DNAH6: variants seen among roughly 807,000 people sequenced by gnomAD.
The protein encoded by DNAH6 is axonemal beta dynein heavy chain 6.
A neutral mutation model predicts 491.4 loss-of-function variants in DNAH6; 340 were observed. That is an observed-to-expected ratio of 0.69 (90% CI 0.63 to 0.76). DNAH6 has a LOEUF of 0.76. DNAH6 is among the 30% of genes least tolerant of loss of function. The probability of loss-of-function intolerance (pLI) is 0.00; values close to 1 mark genes in which losing one functional copy is unlikely to be tolerated. For missense variants in DNAH6, 4,443 were observed against 4,972.2 expected, an observed-to-expected ratio of 0.89 and a Z score of 3.20; for synonymous variants, 1,603 against 1,686.1, an observed-to-expected ratio of 0.95 and a Z score of 1.21.
the DNAH6 span, among the ~76,000 whole-genome samples, chr2:84,466,806 C>T: frequency 4.6e-5 from 7 of 152,168 alleles, no homozygotes; most frequent in African/African-American, 1.4e-4. Flanking sequence ...GATGACAAAA[C>T]GTCTTAGGAT....
chr2:84,710,557 A>G lies in DNAH6; in HGVS notation c.9378+145A>G, dbSNP rs781621562. On this transcript the variant is annotated intron_variant, in intron 56 of 76. Coordinates refer to ENST00000389394, the MANE Select transcript of DNAH6 (RefSeq NM_001370.2). Reference sequence around the variant, plus strand: ...TCAAACCAGTTCCTCTTCTCCTTAAACAATACATTATCACATTGCAAGAGG... The same window carrying G: ...TCAAACCAGTTCCTCTTCTCCTTAAGCAATACATTATCACATTGCAAGAGG... 1.0e-4 allele frequency: 80 copies of G among 763,856 alleles called. No homozygotes were observed. The Middle Eastern group carries it at 1.1e-3, about 11-fold the overall frequency. 47.3% of individuals were successfully genotyped at this position (763,856 alleles called of 1,614,324 possible).
Position 84,813,978 on chromosome 2 carries a change from T to A in DNAH6, c.12006T>A (p.Leu4002=), listed in dbSNP as rs1402946422. 1 of 1,551,710 alleles carries A rather than the reference T, an allele frequency of 6.4e-7. No homozygotes were observed. Among genetic ancestry groups the A allele is most frequent in the Non-Finnish European group, 8.7e-7 (1 of 1,146,966 alleles). ...CGATTTTCACAATTACAGGAACTCT[T>A]CAAAATCATGCTCGAAAATACAATT... ...FFPQGFLTGT[L]QNHARKYNLP... is the part of the protein sequence containing the mutation. Residue 4002 remains leucine, a synonymous_variant, in exon 75 of 77, where the codon CTT becomes CTA. Coordinates refer to ENST00000389394, the MANE Select transcript of DNAH6 (RefSeq NM_001370.2).
At chr2:84,754,364 T>G (rs1295788873) in intron 63 of DNAH6, among the ~76,000 whole-genome samples, 1 of 151,594 alleles carries the variant, frequency 6.6e-6, no homozygotes, top group Non-Finnish European at 1.5e-5. Context: ...GTATTTTTAG[T>G]AGAGACAGAT....
intron 68 of DNAH6, among the ~76,000 whole-genome samples, chr2:84,787,881 C>T (rs1193811106): frequency 6.6e-6 from 1 of 151,834 alleles, no homozygotes; most frequent in Non-Finnish European, 1.5e-5. Flanking sequence ...AAAATTAGAA[C>T]CAATTTGGAC....
chr2:84,589,838 A>G lies in DNAH6; in HGVS notation c.2610+884A>G, dbSNP rs117476969. On this transcript the variant is annotated intron_variant, in intron 16 of 76. Transcript: ENST00000389394. ...GCTTTTAGAGAGACCAACAACAAGAAAAGAGAATAGAAAAGAAAATATTCC... is the reference window on the plus strand; with the variant it reads ...GCTTTTAGAGAGACCAACAACAAGAGAAGAGAATAGAAAAGAAAATATTCC... 1.0e-3 allele frequency among the ~76,000 whole-genome samples: 156 copies of G among 152,226 alleles called. 2 individuals carry two copies. In the East Asian group the frequency reaches 0.028, roughly 27 times the overall value.
At chr2:84,657,528 T>A (rs1227847187) in intron 35 of DNAH6, among the ~76,000 whole-genome samples, 1 of 152,078 alleles carries the variant, frequency 6.6e-6, no homozygotes, top group Admixed American at 6.6e-5. Context: ...GCTTGTCTTA[T>A]ATAGATCTAG....
At chr2:84,691,497 A>G (rs1486936785) in intron 45 of DNAH6, among the ~76,000 whole-genome samples, 1 of 152,246 alleles carries the variant, frequency 6.6e-6, no homozygotes, top group Non-Finnish European at 1.5e-5. Flanking sequence ...GACACATAGC[A>G]ATGACAATGG....
At chr2:84,497,052 C>A in the DNAH6 span, among the ~76,000 whole-genome samples, 2 of 151,500 alleles carry the variant, frequency 1.3e-5, no homozygotes, top group African/African-American at 4.9e-5. Context: ...CTCTCTGCAA[C>A]CTCCACCTGC....
At chr2:84,714,615 GT>G (rs1286253539) in intron 57 of DNAH6, among the ~76,000 whole-genome samples, 89 of 152,076 alleles carry the variant, frequency 5.9e-4, no homozygotes, top group Non-Finnish European at 1.6e-4. Context: ...TAATCAGAAT[GT>G]TTTTTACTCA....
At chr2:84,780,318 C>G (rs116083823) in intron 64 of DNAH6, among the ~76,000 whole-genome samples, 4,097 of 152,182 alleles carry the variant, frequency 0.027, 79 homozygotes, top group South Asian at 0.06. Flanking sequence ...TTTCTCATAG[C>G]CTTTGTCCAT....
intron 43 of DNAH6, among the ~76,000 whole-genome samples, 174 bp from the exon 44 acceptor site, chr2:84,686,310 A>G (rs1419697608): frequency 1.3e-5 from 2 of 152,200 alleles, no homozygotes; most frequent in Non-Finnish European, 2.9e-5. Flanking sequence ...TAAACTTGGG[A>G]GATTATCAGC....
At chr2:84,540,873 T>A (rs1349891663) in intron 4 of DNAH6, among the ~76,000 whole-genome samples, 4 of 152,184 alleles carry the variant, frequency 2.6e-5, no homozygotes, top group Non-Finnish European at 5.9e-5. Context: ...ACAGCATAGT[T>A]AAATATAATT....
intron 46 of DNAH6, 85 bp from the exon 47 acceptor site, chr2:84,697,490 C>A (rs1695501313): frequency 1.5e-6 from 2 of 1,312,856 alleles, no homozygotes; most frequent in African/African-American, 1.5e-5. Flanking sequence ...GAAATTGATT[C>A]ATGTGAATTT....
At chr2:84,672,511 TG>T in intron 40 of DNAH6, 27 bp downstream of exon 40, 2 of 1,533,296 alleles carry the variant, frequency 1.3e-6, no homozygotes, top group South Asian at 2.4e-5. Context: ...AATTACTTGG[TG>T]TGCTTAAATT....
At chr2:84,647,743 A>G (rs1322737090) in intron 33 of DNAH6, among the ~76,000 whole-genome samples, 1 of 152,280 alleles carries the variant, frequency 6.6e-6, no homozygotes, top group South Asian at 2.1e-4. Flanking sequence ...TTTGCCATGA[A>G]TTATCTTTTA....
intron 10 of DNAH6, among the ~76,000 whole-genome samples, chr2:84,555,987 T>C (rs1679982637): frequency 6.6e-6 from 1 of 152,186 alleles, no homozygotes; most frequent in Non-Finnish European, 1.5e-5. Context: ...TAGTCCATTT[T>C]CCACATTACT....
chr2:84,637,245 G>A lies in DNAH6; in HGVS notation c.4689G>A (p.Lys1563=). Residue 1563 remains lysine (K), a synonymous_variant, in exon 31 of 77, where the codon AAG becomes AAA. Coordinates refer to ENST00000389394, the MANE Select transcript of DNAH6 (RefSeq NM_001370.2). ...SRFMFEGREI[K]LVMTCAAFIT... is the part of the protein sequence containing the mutation. The stretch of plus-strand genomic sequence containing the variant: ...TCATGTTTGAGGGGCGGGAAATAAA[G>A]TTGGTGATGACTTGTGCAGCCTTCA... The A allele has an allele frequency of 6.5e-7, 1 of 1,549,994 alleles. No individual in the cohort carries two copies. The highest frequency in any genetic ancestry group is 8.7e-7 in the Non-Finnish European group (1 of 1,146,062).
At chr2:84,685,521 A>G in intron 43 of DNAH6, 49 bp downstream of exon 43, 1 of 1,257,698 alleles carries the variant, frequency 8.0e-7, no homozygotes, top group Non-Finnish European at 1.0e-6. Flanking sequence ...GTAGAAAAGC[A>G]ATTTGGTTTC....
intron 36 of DNAH6, 117 bp downstream of exon 36, chr2:84,658,591 C>T (rs1409597126): frequency 2.8e-6 from 2 of 708,284 alleles, no homozygotes; most frequent in African/African-American, 3.7e-5. Context: ...GTTAATTTTT[C>T]AGGGGACTAA....
Sources: gnomAD v4.1 joint callset for allele counts (sites outside exome capture counted in the v4.1 genomes callset) on GRCh38, gnomAD v4.1.1 for gene constraint, MANE v1.5 for transcripts, NCBI Gene and HGNC (gene_info 2026-07-23, HGNC 2026-07-21) for gene names.